SQSTM1: variants seen among roughly 807,000 people sequenced by gnomAD.
The protein encoded by SQSTM1 is sequestosome 1, also known as sequestosome-1.
SQSTM1 carries 36 observed loss-of-function variants against 45.1 expected under a neutral mutation model. The ratio of observed to expected loss-of-function variants is 0.80; its 90% CI spans 0.61 to 1.05. The LOEUF is 1.05. Ranked by LOEUF, SQSTM1 falls within the 50% of genes least tolerant of loss-of-function variation. SQSTM1 has a pLI of 0.00. For synonymous variants in SQSTM1, 290 were observed against 244.3 expected, an observed-to-expected ratio of 1.19 and a Z score of -1.74; for missense variants, 617 against 607.1, an observed-to-expected ratio of 1.02 and a Z score of -0.17.
chr5:179,813,316 CTGT>C (rs1757490723), intron 2 of SQSTM1: 1 of 152,220 alleles, frequency 6.6e-6, no homozygotes, highest in Admixed American at 6.6e-5. Flanking sequence ...TTAACCGTGC[CTGT>C]AGGGGCCGCC....
intron 1 of SQSTM1, among the ~76,000 whole-genome samples, chr5:179,810,800 T>C (rs1386864965): frequency 2.0e-5 from 3 of 152,232 alleles, no homozygotes; most frequent in East Asian, 1.9e-4. Flanking sequence ...TTTTTAATGA[T>C]TGGCATTCTA....
Position 179,837,241 on chromosome 5 carries a change from A to G in SQSTM1, c.*648A>G. On this transcript the variant is annotated 3_prime_UTR_variant, in exon 8 of 8. Coordinates refer to ENST00000389805, the MANE Select transcript of SQSTM1 (RefSeq NM_003900.5). ...GTAAACAATCTAATTAAATGGCATC[A>G]GCACTTTAACCAATGACGTTTGCAT... is the stretch of plus-strand genomic sequence containing the variant. The G allele has an allele frequency of 6.2e-7, 1 of 1,601,172 alleles. No homozygotes were observed. Among genetic ancestry groups the G allele is most frequent in the Non-Finnish European group, 8.5e-7 (1 of 1,178,634 alleles).
At position 179,837,188 on chromosome 5, in the gene SQSTM1, A is replaced by ATCTC; in HGVS notation, c.*597_*600dup. The ATCTC allele has an allele frequency of 6.5e-7, 1 of 1,534,578 alleles. No homozygotes were observed. Among genetic ancestry groups the ATCTC allele is most frequent in the African/African-American group, 1.4e-5 (1 of 73,414 alleles). On this transcript the variant is annotated 3_prime_UTR_variant, in exon 8 of 8. Coordinates refer to ENST00000389805, the MANE Select transcript of SQSTM1 (RefSeq NM_003900.5). ...AACCATCAGCTGCTTTTAAAATAAG[A>ATCTC]TCTCTTTGTAGCCATCCTGTTAAAT...
chr5:179,834,292 C>T (rs939831590), intron 7 of SQSTM1, among the ~76,000 whole-genome samples: 3 of 150,960 alleles, frequency 2.0e-5, no homozygotes, highest in African/African-American at 2.5e-5. Context: ...ACATGGCAGC[C>T]GTGTGTAAAC....
At chr5:179,818,012 CAAAA>C (rs528143529), upstream of SQSTM1, among the ~76,000 whole-genome samples, 559 of 29,066 alleles carry the variant, frequency 0.019, 2 homozygotes, top group African/African-American at 0.065. Context: ...GAGACTGTCT[CAAAA>C]AAAAAAAAAA....
Position 179,823,043 on chromosome 5 carries a change from C to A in SQSTM1, c.291C>A (p.Ile97=). ...MSYVKDDIFR[I]YIKEKKECRR... The stretch of plus-strand genomic sequence containing the variant: ...ACGTGAAGGATGACATCTTCCGAAT[C>A]TACATTAAAGGTAAGGGGCTGCTCT... Residue 97 remains isoleucine (I), a synonymous_variant, in exon 2 of 8, where the codon ATC becomes ATA. Coordinates refer to ENST00000389805, the MANE Select transcript of SQSTM1 (RefSeq NM_003900.5). The A allele has an allele frequency of 1.2e-6, 2 of 1,613,984 alleles. No individual in the cohort carries two copies. Among genetic ancestry groups the A allele is most frequent in the South Asian group, 1.1e-5 (1 of 91,068 alleles).
At chr5:179,816,484 G>A (rs140376237), upstream of SQSTM1, among the ~76,000 whole-genome samples, 1 of 152,296 alleles carries the variant, frequency 6.6e-6, no homozygotes, top group Non-Finnish European at 1.5e-5. Flanking sequence ...GTGGAGGGGA[G>A]CGAGAGGGCC....
At chr5:179,823,136 T>C in intron 2 of SQSTM1, 83 bp downstream of exon 2, 1 of 1,304,640 alleles carries the variant, frequency 7.7e-7, no homozygotes, top group Admixed American at 1.9e-5. Flanking sequence ...GGCTCGATGT[T>C]CCACCAATGA....
chr5:179,838,060 C>A lies in SQSTM1; in HGVS notation c.*1467C>A. The A allele has an allele frequency of 1.6e-6, 1 of 619,916 alleles. No individual in the cohort carries two copies. The highest frequency in any genetic ancestry group is 2.8e-6 in the Non-Finnish European group (1 of 356,244). 38.4% of individuals were successfully genotyped at this position (619,916 alleles called of 1,614,324 possible). On this transcript the variant is annotated 3_prime_UTR_variant, in exon 8 of 8. Coordinates refer to ENST00000389805, the MANE Select transcript of SQSTM1 (RefSeq NM_003900.5). ...GTTAGCAAGACAAAGCAAATAAATG[C>A]CTTCCACCTCACCGCAAACCTTCTG...
rs766854379 is a variant in SQSTM1 at position 179,827,333 on chromosome 5, G to A, written c.754+2107G>A. 2.0e-5 allele frequency among the ~76,000 whole-genome samples: 3 copies of A among 152,012 alleles called. No individual in the cohort carries two copies. In the East Asian group the frequency reaches 5.8e-4, roughly 29 times the overall value. On this transcript the variant is annotated intron_variant, in intron 5 of 7. Transcript: ENST00000389805. ...CTTTTTTTTTCTGAGACGGAGTCTC[G>A]CTCTGTTGCCCAGGCTGGAGTGCAG...
chr5:179,832,886 G>T, intron 5 of SQSTM1, 146 bp from the exon 6 acceptor site: 1 of 804,936 alleles, frequency 1.2e-6, no homozygotes. Context: ...TCCACACGCT[G>T]AGTGCCACCA....
intron 1 of SQSTM1, 108 bp downstream of exon 1, chr5:179,821,249 G>T: frequency 9.0e-7 from 1 of 1,115,594 alleles, no homozygotes. Context: ...GGCCGTGAGG[G>T]GGTCTGCGCT....
rs1020705777 is a variant in SQSTM1, at chr5:179,837,115, T to C, written c.*522T>C. ...AGGGCATCCGCAATGTTGGTTTCAC[T>C]GAGAGCTGCCTCCTGGTCTCTTCAC... On this transcript the variant is annotated 3_prime_UTR_variant, in exon 8 of 8. Transcript: ENST00000389805. The C allele has an allele frequency of 2.0e-5, 22 of 1,107,886 alleles. No individual in the cohort carries two copies. The highest frequency in any genetic ancestry group is 2.6e-5 in the Non-Finnish European group (20 of 757,490). 68.6% of individuals were successfully genotyped at this position (1,107,886 alleles called of 1,614,324 possible). A position where few individuals can be genotyped will look rare whatever the true frequency, so the allele number is the denominator to read the frequency against.
At chr5:179,834,405 ATTT>A (rs1202476955) in intron 7 of SQSTM1, among the ~76,000 whole-genome samples, 1 of 88,994 alleles carries the variant, frequency 1.1e-5, no homozygotes, top group African/African-American at 6.4e-5. Context: ...AGTAGTTCTT[ATTT>A]TTGTTTATTT....
At chr5:179,821,262 C>G (rs1757763578) in intron 1 of SQSTM1, 121 bp downstream of exon 1, 2 of 1,023,394 alleles carry the variant, frequency 2.0e-6, no homozygotes, top group Non-Finnish European at 2.6e-6. Context: ...TCTGCGCTGG[C>G]TGCTCCCTGG....
At chr5:179,821,341 A>C (rs944857342) in intron 1 of SQSTM1, among the ~76,000 whole-genome samples, 200 bp downstream of exon 1, 2 of 152,122 alleles carry the variant, frequency 1.3e-5, no homozygotes, top group Non-Finnish European at 2.9e-5. Context: ...GTGGTGACCA[A>C]GGCCGGGACC....
At position 179,824,078 on chromosome 5, in the gene SQSTM1, C is replaced by T; in HGVS notation, c.522C>T (p.His174=). ...TCGCATTCCCCAGCCCCTTCGGGCA[C>T]CTGTCTGAGGTGAGCAGGCCCTCTG... ...TKLAFPSPFG[H]LSEGFSHSRW... Residue 174 remains histidine, a synonymous_variant, in exon 3 of 8, where the codon CAC becomes CAT. Coordinates refer to ENST00000389805, the MANE Select transcript of SQSTM1 (RefSeq NM_003900.5). The T allele has an allele frequency of 6.2e-7, 1 of 1,613,918 alleles. No individual in the cohort carries two copies. The highest frequency in any genetic ancestry group is 8.5e-7 in the Non-Finnish European group (1 of 1,180,044).
At chr5:179,820,567 A>C, upstream of SQSTM1, 1 of 205,298 alleles carries the variant, frequency 4.9e-6, no homozygotes, top group Non-Finnish European at 9.8e-6. Context: ...AGTCATGGCC[A>C]GGCCCAAGCC....
At position 179,824,271 on chromosome 5, in the gene SQSTM1, C is replaced by A; in HGVS notation, c.621C>A (p.Ser207Arg). ...AAATGGGTCCACCAGGAAACTGGAG[C>A]CCACGTCCTCCTCGTGCAGGGGAGG... ...GWEMGPPGNW[S>R]PRPPRAGEAR... The change falls in exon 4 of 8, where the codon AGC becomes AGA. Residue 207 changes from serine (S) to arginine (R), a missense_variant. By Grantham distance (110) the Ser-to-Arg change is moderately radical. Transcript: ENST00000389805. The A allele has an allele frequency of 6.2e-7, 1 of 1,613,818 alleles. No individual in the cohort carries two copies. The highest frequency in any genetic ancestry group is 8.5e-7 in the Non-Finnish European group (1 of 1,180,040).
Sources: gnomAD v4.1 joint callset for allele counts (sites outside exome capture counted in the v4.1 genomes callset) on GRCh38, gnomAD v4.1.1 for gene constraint, MANE v1.5 for transcripts, NCBI Gene and HGNC (gene_info 2026-07-23, HGNC 2026-07-21) for gene names.